Variants in PTGES observed in about 807,000 individuals in gnomAD.
PTGES encodes the protein MGST1-like 1.
Under a neutral mutation model 11.8 loss-of-function variants are expected in PTGES, and 3 were observed. The ratio of observed to expected loss-of-function variants is 0.25; its 90% CI spans 0.12 to 0.66. The LOEUF (loss-of-function observed/expected upper bound fraction) is 0.66, where lower values mean the gene tolerates loss of function less well. Ranked by LOEUF, PTGES falls within the 30% of genes least tolerant of loss-of-function variation. The pLI is 0.82. For synonymous variants in PTGES, 94 were observed against 90.4 expected (o/e 1.04, Z -0.22); for missense variants, 180 against 213.0 (o/e 0.85, Z 0.96).
intron 2 of PTGES, among the ~76,000 whole-genome samples, chr9:129,742,871 CAAA>C (rs764985510): frequency 1.1e-4 from 13 of 118,988 alleles, no homozygotes; most frequent in African/African-American, 4.1e-4. Flanking sequence ...GACTCCGTCT[CAAA>C]AAAAAAAAAA....
chr9:129,740,085 C>T (rs1453566796), intron 2 of PTGES, among the ~76,000 whole-genome samples: 2 of 151,994 alleles, frequency 1.3e-5, no homozygotes, highest in East Asian at 1.9e-4. Flanking sequence ...AGCGAGGCCA[C>T]GTCATGGGCT....
intron 1 of PTGES, 71 bp downstream of exon 1, chr9:129,752,816 G>A (rs751386136): frequency 2.7e-5 from 43 of 1,609,402 alleles, no homozygotes; most frequent in Non-Finnish European, 3.1e-5. Flanking sequence ...TCCCTATCCC[G>A]GGGCTTTCCT....
rs1393270555 is a variant in PTGES at position 129,738,389 on chromosome 9, C to G, written c.*1222G>C. 6.7e-6 allele frequency: 1 copy of G among 149,156 alleles called. No homozygotes were observed. Among genetic ancestry groups the G allele is most frequent in the African/African-American group, 2.5e-5 (1 of 39,880 alleles). 9.2% of individuals were successfully genotyped at this position (149,156 alleles called of 1,614,324 possible). ...TTTAATGACTAAAAATCACACATCT[C>G]AGGTCACGGGTCTAGGAGAAAACAC... On this transcript the variant is annotated 3_prime_UTR_variant, in exon 3 of 3. Coordinates refer to ENST00000340607, the MANE Select transcript of PTGES (RefSeq NM_004878.5). The surrounding 1 kb of genome is among the most constrained non-coding windows in gnomAD (Gnocchi z 4.2).
At position 129,752,222 on chromosome 9, in the gene PTGES, G is replaced by T. The variant is rs1033264918; in HGVS notation, c.126+665C>A. Among the ~76,000 whole-genome samples the T allele has an allele frequency of 6.6e-5, 10 of 152,222 alleles. No homozygotes were observed. In the East Asian group the frequency reaches 1.7e-3, roughly 26 times the overall value. ...CCTGGGGAGGAAGTAACAGGTGCCT[G>T]GGGTCTTTCTGCATTCTGCCGCCAG... On this transcript the variant is annotated intron_variant, in intron 1 of 2. Coordinates refer to ENST00000340607, the MANE Select transcript of PTGES (RefSeq NM_004878.5).
At position 129,739,554 on chromosome 9, in the gene PTGES, A is replaced by G. The variant is rs1832972443; in HGVS notation, c.*57T>C. 6.6e-7 allele frequency: 1 copy of G among 1,522,142 alleles called. No homozygotes were observed. Among genetic ancestry groups the G allele is most frequent in the Non-Finnish European group, 8.8e-7 (1 of 1,132,604 alleles). 94.3% of individuals were successfully genotyped at this position (1,522,142 alleles called of 1,614,324 possible). ...TGGAAGGAACATCAAGTCCCCAGGT[A>G]TAGCCACGGCGGCTCTTGGCCCATG... On this transcript the variant is annotated 3_prime_UTR_variant, in exon 3 of 3. Coordinates refer to ENST00000340607, the MANE Select transcript of PTGES (RefSeq NM_004878.5). The surrounding 1 kb of genome is among the most constrained non-coding windows in gnomAD (Gnocchi z 5.7).
At chr9:129,750,457 G>A (rs754945546) in intron 1 of PTGES, among the ~76,000 whole-genome samples, 2 of 152,178 alleles carry the variant, frequency 1.3e-5, no homozygotes, top group African/African-American at 4.8e-5. Flanking sequence ...TCTGTGATAC[G>A]TTTCAAGGGG....
rs113102928 is a variant in PTGES, at chr9:129,740,779, G to A, written c.210-919C>T. ...GAGTCCCATAAATTAGAGACTGAATGAGCAACTAAACCCATAGATTGCCAC... is the reference window on the plus strand; with the variant it reads ...GAGTCCCATAAATTAGAGACTGAATAAGCAACTAAACCCATAGATTGCCAC... On this transcript the variant is annotated intron_variant, in intron 2 of 2. Transcript: ENST00000340607. 6.2e-3 allele frequency among the ~76,000 whole-genome samples: 949 copies of A among 152,252 alleles called. 5 individuals are homozygous for A. Among genetic ancestry groups the A allele is most frequent in the Non-Finnish European group, 7.6e-3 (518 of 68,026 alleles).
chr9:129,747,796 G>C lies in PTGES; in HGVS notation c.209+859C>G, dbSNP rs181009330. 1.8e-3 allele frequency among the ~76,000 whole-genome samples: 281 copies of C among 152,072 alleles called. 3 individuals are homozygous for C. Among genetic ancestry groups the C allele is most frequent in the African/African-American group, 6.2e-3 (257 of 41,478 alleles). ...AGGCCGAGGCGGACAGATCATCTGA[G>C]GTCAGGAGTTCCAGACCAGCCTGGC... is the stretch of plus-strand genomic sequence containing the variant. On this transcript the variant is annotated intron_variant, in intron 2 of 2. Transcript: ENST00000340607.
chr9:129,748,791 TG>T (rs1440672214), intron 1 of PTGES, 54 bp from the exon 2 acceptor site: 2 of 1,446,536 alleles, frequency 1.4e-6, no homozygotes, highest in Non-Finnish European at 1.9e-6. Flanking sequence ...CCCAGTCACC[TG>T]GGGCTATGTT....
At chr9:129,747,455 AT>A (rs1442803534) in intron 2 of PTGES, among the ~76,000 whole-genome samples, 1 of 152,186 alleles carries the variant, frequency 6.6e-6, no homozygotes, top group Non-Finnish European at 1.5e-5. Context: ...TAATGAGGAA[AT>A]TCATTTTAAT....
In PTGES at chr9:129,746,072, C is replaced by T. The variant is rs185236556; in HGVS notation, c.209+2583G>A. On this transcript the variant is annotated intron_variant, in intron 2 of 2. Coordinates refer to ENST00000340607, the MANE Select transcript of PTGES (RefSeq NM_004878.5). ...AAAGATTGGTTGGGTGGAAATGTCT[C>T]GGCGCCACCCGGGTCTATCGTCTCT... Among the ~76,000 whole-genome samples, 7 of 151,858 alleles carry T rather than the reference C, an allele frequency of 4.6e-5. No individual in the cohort carries two copies. The East Asian group carries it at 9.7e-4, about 21-fold the overall frequency.
At position 129,752,927 on chromosome 9, in the gene PTGES, A is replaced by C; in HGVS notation, c.86T>G (p.Val29Gly). Residue 29 changes from valine to glycine, a missense_variant, in exon 1 of 3, where the codon GTG (valine) becomes GGG (glycine). Val to Gly is a moderately radical substitution (Grantham distance 109, BLOSUM62 -3). Coordinates refer to ENST00000340607, the MANE Select transcript of PTGES (RefSeq NM_004878.5). The part of the protein sequence containing the change: ...CSTLLVIKMY[V>G]VAIITGQVRL... The stretch of plus-strand genomic sequence containing the variant: ...CACTTGGCCCGTGATGATGGCCACC[A>C]CGTACATCTTGATGACCAGCAGCGT... 1 of 1,613,762 alleles carries C rather than the reference A, an allele frequency of 6.2e-7. No homozygotes were observed. The highest frequency in any genetic ancestry group is 8.5e-7 in the Non-Finnish European group (1 of 1,180,048).
rs867546591 is a variant in PTGES at position 129,752,875 on chromosome 9, G to A, written c.126+12C>T. ...TATGACCCAGGCCGGGGACCCCCAG[G>A]GAGGCACATACCTTCTTCCGCAGCC... On this transcript the variant is annotated intron_variant, in intron 1 of 2. Transcript: ENST00000340607. The A allele has an allele frequency of 1.2e-6, 2 of 1,613,954 alleles. No individual in the cohort carries two copies. Among genetic ancestry groups the A allele is most frequent in the Non-Finnish European group, 1.7e-6 (2 of 1,180,044 alleles).
Position 129,742,645 on chromosome 9 carries a change from G to A in PTGES, c.210-2785C>T, listed in dbSNP as rs868341685. Reference sequence around the variant, plus strand: ...AGTAAGTCCTTTGGGAGGCTGAGGCGGGCGGATCACGAGGTCAGGAGATCG... The same window carrying A: ...AGTAAGTCCTTTGGGAGGCTGAGGCAGGCGGATCACGAGGTCAGGAGATCG... On this transcript the variant is annotated intron_variant, in intron 2 of 2. Transcript: ENST00000340607. Among the ~76,000 whole-genome samples the A allele has an allele frequency of 7.2e-5, 11 of 152,100 alleles. 1 individual carries two copies. The South Asian group carries it at 1.0e-3, about 14-fold the overall frequency.
chr9:129,739,965 ATTT>A lies in PTGES; in HGVS notation c.210-108_210-106del. The A allele has an allele frequency of 7.4e-7, 1 of 1,343,564 alleles. No individual in the cohort carries two copies. 83.2% of individuals were successfully genotyped at this position (1,343,564 alleles called of 1,614,324 possible). A position where few individuals can be genotyped will look rare whatever the true frequency, so the allele number is the denominator to read the frequency against. On this transcript the variant is annotated intron_variant, in intron 2 of 2. Coordinates refer to ENST00000340607, the MANE Select transcript of PTGES (RefSeq NM_004878.5). This position sits in a 1 kb window ranked among gnomAD's most constrained non-coding sequence, Gnocchi z 5.7. The stretch of plus-strand genomic sequence containing the variant: ...GGGGTGCTTTGACCCACTGGGGGTC[ATTT>A]CAGGCATATCACACACTCAAATCCA...
rs554726102 is a variant in PTGES at position 129,744,643 on chromosome 9, G to A, written c.209+4012C>T. Among the ~76,000 whole-genome samples, 7 of 150,712 alleles carry A rather than the reference G, an allele frequency of 4.6e-5. No individual in the cohort carries two copies. In the South Asian group the frequency reaches 1.3e-3, roughly 27 times the overall value. On this transcript the variant is annotated intron_variant, in intron 2 of 2. Transcript: ENST00000340607. ...GTAATCCCAACACTTTGGGGAGGCC[G>A]AGGCAGGCGGATCACTTGAGGTCAG... is the stretch of plus-strand genomic sequence containing the variant.
intron 2 of PTGES, among the ~76,000 whole-genome samples, chr9:129,747,110 G>A (rs1047971825): frequency 1.3e-5 from 2 of 152,096 alleles, no homozygotes; most frequent in Non-Finnish European, 1.5e-5. Flanking sequence ...ACAGGGTCTC[G>A]CCATGTTGGC....
intron 2 of PTGES, among the ~76,000 whole-genome samples, chr9:129,744,251 G>A (rs1833028804): frequency 6.6e-6 from 1 of 152,152 alleles, no homozygotes. Flanking sequence ...GGCTTTGCCA[G>A]ACTTTCTGAC....
intron 1 of PTGES, among the ~76,000 whole-genome samples, chr9:129,751,315 C>T (rs188422187): frequency 2.7e-5 from 4 of 148,492 alleles, no homozygotes; most frequent in East Asian, 2.0e-4. Context: ...AGAGCAAGAC[C>T]CTGTCTCTAA....
Sources: gnomAD v4.1 joint callset for allele counts (sites outside exome capture counted in the v4.1 genomes callset) on GRCh38, gnomAD v4.1.1 for gene constraint, Gnocchi (gnomAD v3.1) non-coding constraint, MANE v1.5 for transcripts, NCBI Gene and HGNC (gene_info 2026-07-23, HGNC 2026-07-21) for gene names.